Variants in CAST observed in about 807,000 individuals in gnomAD.
The protein encoded by CAST is calpastatin.
CAST carries 76 observed loss-of-function variants against 119.6 expected under a neutral mutation model. That is an observed-to-expected ratio of 0.64 (90% CI 0.53 to 0.77). CAST has a LOEUF of 0.77. Ranked by LOEUF, CAST falls within the 30% of genes least tolerant of loss-of-function variation. The pLI is 0.00. For synonymous variants in CAST, 319 were observed against 331.6 expected (o/e 0.96, Z 0.41); for missense variants, 953 against 946.5 (o/e 1.01, Z -0.09).
chr5:96,499,798 T>A, the CAST span, among the ~76,000 whole-genome samples: 1 of 152,324 alleles, frequency 6.6e-6, no homozygotes, highest in South Asian at 2.1e-4. Flanking sequence ...ACAGCTTGGC[T>A]AACTGGTGCA....
chr5:96,363,167 G>A, the CAST span, among the ~76,000 whole-genome samples: 3 of 149,272 alleles, frequency 2.0e-5, no homozygotes, highest in Non-Finnish European at 4.4e-5. Context: ...TTATTTCTGA[G>A]GGCTCTGTTC....
the CAST span, among the ~76,000 whole-genome samples, chr5:96,289,941 T>A: frequency 0.72 from 109,358 of 151,112 alleles, 39,783 homozygotes; most frequent in African/African-American, 0.8. Context: ...GTTTTTTTTT[T>A]AAAAAAAACA....
the CAST span, among the ~76,000 whole-genome samples, chr5:96,430,657 G>A: frequency 6.6e-6 from 1 of 152,114 alleles, no homozygotes; most frequent in Non-Finnish European, 1.5e-5. Context: ...AGAGAAATAA[G>A]CAGAACCAGG....
At chr5:96,305,735 G>C in the CAST span, among the ~76,000 whole-genome samples, 1 of 151,066 alleles carries the variant, frequency 6.6e-6, no homozygotes, top group African/African-American at 2.4e-5. Context: ...CATTGGTTCT[G>C]TTTATGTGAT....
At chr5:96,508,739 C>A in the CAST span, among the ~76,000 whole-genome samples, 1 of 152,142 alleles carries the variant, frequency 6.6e-6, no homozygotes, top group African/African-American at 2.4e-5. Context: ...CCCCTTCCAT[C>A]CCTCCTGAGA....
At chr5:96,076,346 AAC>A in the CAST span, among the ~76,000 whole-genome samples, 1 of 152,188 alleles carries the variant, frequency 6.6e-6, no homozygotes, top group Non-Finnish European at 1.5e-5. Context: ...ATTTAGTAAA[AAC>A]ACACATTCCT....
chr5:96,496,110 A>G, the CAST span, among the ~76,000 whole-genome samples: 1 of 152,206 alleles, frequency 6.6e-6, no homozygotes, highest in African/African-American at 2.4e-5. Flanking sequence ...TTATGTCTAT[A>G]AAGTAAAATT....
chr5:96,726,995 G>T, intron 5 of CAST, 136 bp downstream of exon 5: 2 of 634,188 alleles, frequency 3.2e-6, no homozygotes, highest in Non-Finnish European at 5.6e-6. Context: ...AGGCTTAGCT[G>T]CCCATCAGCC....
At chr5:96,232,182 A>G in the CAST span, among the ~76,000 whole-genome samples, 1 of 152,272 alleles carries the variant, frequency 6.6e-6, no homozygotes, top group African/African-American at 2.4e-5. Flanking sequence ...AAAAATTGAA[A>G]TTGATCAATC....
the CAST span, among the ~76,000 whole-genome samples, chr5:95,963,602 T>G: frequency 6.6e-6 from 1 of 152,116 alleles, no homozygotes; most frequent in Non-Finnish European, 1.5e-5. Flanking sequence ...AGAAGGGAAA[T>G]AGAGGCTTTA....
At chr5:96,754,841 G>T in intron 22 of CAST, 100 bp downstream of exon 22, 1 of 721,598 alleles carries the variant, frequency 1.4e-6, no homozygotes. Context: ...TAAAGATCTT[G>T]TTTCTTCATA....
the CAST span, among the ~76,000 whole-genome samples, chr5:96,345,507 A>T: frequency 6.6e-6 from 1 of 152,194 alleles, no homozygotes; most frequent in East Asian, 1.9e-4. Flanking sequence ...CTCAGTGCAA[A>T]TGCATGCTAC....
the CAST span, among the ~76,000 whole-genome samples, chr5:95,988,369 A>ATG: frequency 1.3e-4 from 19 of 151,374 alleles, no homozygotes; most frequent in African/African-American, 1.7e-4. Flanking sequence ...AGCTGCCGGT[A>ATG]TGTGTGTGTG....
At chr5:96,249,010 A>G in the CAST span, among the ~76,000 whole-genome samples, 3 of 152,158 alleles carry the variant, frequency 2.0e-5, no homozygotes, top group African/African-American at 7.2e-5. Flanking sequence ...GTTTGTGGAG[A>G]AAGATTGGCC....
the CAST span, among the ~76,000 whole-genome samples, chr5:96,160,397 A>G: frequency 6.6e-6 from 1 of 152,182 alleles, no homozygotes; most frequent in Non-Finnish European, 1.5e-5. Flanking sequence ...TTCACTTAGC[A>G]TAATGATTTC....
At chr5:96,298,173 C>T in the CAST span, among the ~76,000 whole-genome samples, 1 of 152,238 alleles carries the variant, frequency 6.6e-6, no homozygotes, top group African/African-American at 2.4e-5. Context: ...AGAAGCTTCT[C>T]TGTAGCAATG....
chr5:96,131,098 AT>A, the CAST span, among the ~76,000 whole-genome samples: 1 of 152,138 alleles, frequency 6.6e-6, no homozygotes, highest in Admixed American at 6.6e-5. Flanking sequence ...GTAAAACAAC[AT>A]TTTCAGTGGT....
chr5:96,375,751 G>A, the CAST span, among the ~76,000 whole-genome samples: 1 of 151,570 alleles, frequency 6.6e-6, no homozygotes, highest in African/African-American at 2.4e-5. Flanking sequence ...AAAAACTGAA[G>A]GTTCCCACCG....
intron 2 of CAST, among the ~76,000 whole-genome samples, chr5:96,695,231 C>G (rs1430771957): frequency 2.0e-5 from 3 of 152,164 alleles, no homozygotes; most frequent in Non-Finnish European, 4.4e-5. Flanking sequence ...ATTTAAAACA[C>G]TTAGAGTACT....
Sources: gnomAD v4.1 joint callset for allele counts (sites outside exome capture counted in the v4.1 genomes callset) on GRCh38, gnomAD v4.1.1 for gene constraint, MANE v1.5 for transcripts, NCBI Gene and HGNC (gene_info 2026-07-23, HGNC 2026-07-21) for gene names.